MACROD2: variants seen among roughly 807,000 people sequenced by gnomAD.
MACROD2 encodes the protein ADP-ribose glycohydrolase MACROD2.
In MACROD2, 36 loss-of-function variants were observed where a neutral mutation model predicts 70.4. That is an observed-to-expected ratio of 0.51 (90% CI 0.39 to 0.68). The LOEUF (loss-of-function observed/expected upper bound fraction) is 0.68, where lower values mean the gene tolerates loss of function less well. Among genes scored for constraint, MACROD2 ranks in the 30% least tolerant of loss-of-function variants. MACROD2 has a pLI of 0.00. For synonymous variants in MACROD2, 172 were observed against 178.8 expected (o/e 0.96, Z 0.30); for missense variants, 496 against 538.4 (o/e 0.92, Z 0.78).
chr20:14,808,067 AC>A (rs1232994997), intron 5 of MACROD2, among the ~76,000 whole-genome samples: 1 of 152,096 alleles, frequency 6.6e-6, no homozygotes, highest in African/African-American at 2.4e-5. Context: ...AGACAGGCCA[AC>A]ATTCAAATTC....
At chr20:14,838,460 C>T (rs2073053920) in intron 5 of MACROD2, among the ~76,000 whole-genome samples, 1 of 151,974 alleles carries the variant, frequency 6.6e-6, no homozygotes, top group African/African-American at 2.4e-5. Context: ...TAATTCTTGT[C>T]CTCATTATTA....
intron 7 of MACROD2, among the ~76,000 whole-genome samples, chr20:15,484,513 G>A (rs967668603): frequency 6.6e-6 from 1 of 152,144 alleles, no homozygotes; most frequent in Admixed American, 6.5e-5. Flanking sequence ...GGCTAGAGTT[G>A]AGTATTTCCC....
At chr20:14,393,527 A>G (rs1428159550) in intron 3 of MACROD2, among the ~76,000 whole-genome samples, 1 of 152,138 alleles carries the variant, frequency 6.6e-6, no homozygotes, top group African/African-American at 2.4e-5. Flanking sequence ...ACTGTAAGCC[A>G]TGCGTAATAT....
At chr20:15,065,733 A>G (rs1279637468) in intron 5 of MACROD2, among the ~76,000 whole-genome samples, 2 of 152,182 alleles carry the variant, frequency 1.3e-5, no homozygotes, top group African/African-American at 4.8e-5. Context: ...TATATGCCTA[A>G]CAGAGTATAT....
At chr20:14,471,720 A>G (rs1485256799) in intron 3 of MACROD2, among the ~76,000 whole-genome samples, 2 of 152,154 alleles carry the variant, frequency 1.3e-5, no homozygotes, top group Admixed American at 1.3e-4. Flanking sequence ...CTAAGGTTCT[A>G]AGGTTAGAAG....
chr20:16,013,889 T>A (rs77569439), intron 15 of MACROD2, among the ~76,000 whole-genome samples: 1,849 of 152,304 alleles, frequency 0.012, 38 homozygotes, highest in African/African-American at 0.042. Flanking sequence ...TCTGAGAATA[T>A]CTGTTGAGAT....
intron 5 of MACROD2, among the ~76,000 whole-genome samples, chr20:15,051,752 CTTTTT>C (rs547605196): frequency 7.3e-6 from 1 of 136,958 alleles, no homozygotes; most frequent in Non-Finnish European, 1.6e-5. Context: ...TATACCATCT[CTTTTT>C]TTTTTTTTTT....
At chr20:15,904,166 GTTTTACA>G (rs2065108080) in intron 10 of MACROD2, among the ~76,000 whole-genome samples, 1 of 152,094 alleles carries the variant, frequency 6.6e-6, no homozygotes, top group Non-Finnish European at 1.5e-5. Flanking sequence ...AAAGTTCCTT[GTTTTACA>G]TTTTTAATTT....
chr20:15,423,868 T>G (rs1276879434), intron 6 of MACROD2, among the ~76,000 whole-genome samples: 1 of 152,058 alleles, frequency 6.6e-6, no homozygotes, highest in Non-Finnish European at 1.5e-5. Context: ...AGACTGTGAT[T>G]TAAACAACAA....
chr20:14,579,844 C>G (rs1002856605), intron 4 of MACROD2, among the ~76,000 whole-genome samples: 4 of 152,108 alleles, frequency 2.6e-5, no homozygotes, highest in Non-Finnish European at 5.9e-5. Flanking sequence ...TTGATTTAAG[C>G]TTGTTGAATG....
intron 9 of MACROD2, among the ~76,000 whole-genome samples, chr20:15,872,642 A>G (rs1283419992): frequency 6.6e-6 from 1 of 152,220 alleles, no homozygotes; most frequent in Non-Finnish European, 1.5e-5. Context: ...AAATGTTTAA[A>G]TATCCATGTT....
intron 7 of MACROD2, among the ~76,000 whole-genome samples, chr20:15,497,872 C>G (rs2047318063): frequency 6.6e-6 from 1 of 152,124 alleles, no homozygotes; most frequent in African/African-American, 2.4e-5. Context: ...TATTTCCTCC[C>G]CTAGACTTTG....
intron 6 of MACROD2, among the ~76,000 whole-genome samples, chr20:15,296,256 G>C (rs1568700817): frequency 6.6e-6 from 1 of 152,120 alleles, no homozygotes; most frequent in Non-Finnish European, 1.5e-5. Flanking sequence ...AAATTCTACA[G>C]ATCAAATGAC....
chr20:16,005,874 T>C lies in MACROD2; in HGVS notation c.1153+18716T>C, dbSNP rs576317280. ...CCACTCTGGCTAGCTGCCCTCTTCC[T>C]TTTCCCCTATTGTTCTCTCAGTAAC... On this transcript the variant is annotated intron_variant, in intron 15 of 17. Coordinates refer to ENST00000684519, the MANE Select transcript of MACROD2 (RefSeq NM_001351661.2). Among the ~76,000 whole-genome samples, 3 of 152,322 alleles carry C rather than the reference T, an allele frequency of 2.0e-5. No homozygotes were observed. The South Asian group carries it at 6.2e-4, about 32-fold the overall frequency.
chr20:15,176,903 G>A (rs149842287), intron 5 of MACROD2, among the ~76,000 whole-genome samples: 63 of 152,280 alleles, frequency 4.1e-4, no homozygotes, highest in African/African-American at 1.4e-3. Flanking sequence ...GCATCTCCAA[G>A]GTTCCAGATG....
In MACROD2 at chr20:14,441,281, G is replaced by T. The variant is rs145046329; in HGVS notation, c.272-52198G>T. 1.3e-4 allele frequency among the ~76,000 whole-genome samples: 20 copies of T among 152,306 alleles called. No homozygotes were observed. In the East Asian group the frequency reaches 3.9e-3, roughly 29 times the overall value. The stretch of plus-strand genomic sequence containing the variant: ...CTCCTGGAGGATGAGAGGCCATGCA[G>T]AGGAGAACTGAAGTGCTCTAGGTGA... On this transcript the variant is annotated intron_variant, in intron 3 of 17. Transcript: ENST00000684519.
chr20:14,445,602 TCTC>T (rs969731754), intron 3 of MACROD2, among the ~76,000 whole-genome samples: 8 of 152,052 alleles, frequency 5.3e-5, no homozygotes, highest in Non-Finnish European at 1.2e-4. Context: ...ACAGTCCTCT[TCTC>T]CTGTGCTGGA....
chr20:15,062,129 G>C (rs1443261458), intron 5 of MACROD2, among the ~76,000 whole-genome samples: 1 of 152,152 alleles, frequency 6.6e-6, no homozygotes, highest in Admixed American at 6.5e-5. Context: ...GCTTCTAGTG[G>C]AAAGGAATTT....
At chr20:15,502,325 G>A (rs946544819) in intron 8 of MACROD2, among the ~76,000 whole-genome samples, 1 of 152,160 alleles carries the variant, frequency 6.6e-6, no homozygotes, top group Admixed American at 6.5e-5. Context: ...AAGCCTGGAA[G>A]AGAGAATGAG....
Sources: allele counts gnomAD v4.1 joint callset (sites outside exome capture counted in the v4.1 genomes callset), GRCh38; gene constraint gnomAD v4.1.1; transcripts MANE v1.5; gene names NCBI Gene and HGNC (gene_info 2026-07-23, HGNC 2026-07-21).